Variants in GRID2 observed in about 807,000 individuals in gnomAD.
GRID2 encodes the protein glutamate receptor ionotropic, delta-2.
Under a neutral mutation model 114.8 loss-of-function variants are expected in GRID2, and 33 were observed. That is an observed-to-expected ratio of 0.29 (90% CI 0.22 to 0.38). The LOEUF (loss-of-function observed/expected upper bound fraction) is 0.38, where lower values mean the gene tolerates loss of function less well. Among genes scored for constraint, GRID2 ranks in the 10% least tolerant of loss-of-function variants. The probability of loss-of-function intolerance (pLI) is 1.00; values close to 1 mark genes in which losing one functional copy is unlikely to be tolerated. For missense variants in GRID2, 1,184 were observed against 1,257.7 expected (o/e 0.94, Z 0.89); for synonymous variants, 505 against 449.9 (o/e 1.12, Z -1.55).
At chr4:92,764,096 T>G (rs1211826222) in intron 2 of GRID2, among the ~76,000 whole-genome samples, 2 of 152,198 alleles carry the variant, frequency 1.3e-5, no homozygotes, top group Admixed American at 1.3e-4. Context: ...GATGGTTGTC[T>G]GTGCTCTAGC....
At chr4:93,795,652 A>G (rs968565938) in intron 1 of GRID2, among the ~76,000 whole-genome samples, 4 of 152,200 alleles carry the variant, frequency 2.6e-5, no homozygotes, top group African/African-American at 9.7e-5. Flanking sequence ...ACTCTTGTAA[A>G]CAGGTGAGCA....
chr4:93,051,943 TATATC>T (rs1341809211), intron 2 of GRID2, among the ~76,000 whole-genome samples: 1 of 151,982 alleles, frequency 6.6e-6, no homozygotes, highest in African/African-American at 2.4e-5. Context: ...ACTTTATTGT[TATATC>T]AGTCACTTTC....
At chr4:92,998,725 A>G (rs1755356853) in intron 2 of GRID2, among the ~76,000 whole-genome samples, 1 of 151,836 alleles carries the variant, frequency 6.6e-6, no homozygotes, top group Non-Finnish European at 1.5e-5. Context: ...TAGAATCATT[A>G]AGAATTAATG....
chr4:92,363,827 T>TC, intron 1 of GRID2, among the ~76,000 whole-genome samples: 1 of 150,806 alleles, frequency 6.6e-6, no homozygotes, highest in African/African-American at 2.4e-5. Flanking sequence ...TACTTTTTTT[T>TC]TTTTTTTTTT....
rs77180530 is a variant in GRID2 at position 93,111,479 on chromosome 4, T to C, written c.735+526T>C. Among the ~76,000 whole-genome samples, 344 of 152,308 alleles carry C rather than the reference T, an allele frequency of 2.3e-3. 1 individual carries two copies. The highest frequency in any genetic ancestry group is 7.8e-3 in the African/African-American group (326 of 41,584). Reference sequence around the variant, plus strand: ...ATGACTAGTGTACATTTTATGATGCTGCATCCTCAAATTTTTAATTGTATC... The same window carrying C: ...ATGACTAGTGTACATTTTATGATGCCGCATCCTCAAATTTTTAATTGTATC... On this transcript the variant is annotated intron_variant, in intron 4 of 15. Transcript: ENST00000282020.
intron 9 of GRID2, among the ~76,000 whole-genome samples, chr4:93,414,710 C>CT (rs767776817): frequency 5.6e-4 from 67 of 119,968 alleles, no homozygotes; most frequent in Admixed American, 1.1e-3. Context: ...TATATATTTC[C>CT]TTTTTTGTTT....
intron 1 of GRID2, among the ~76,000 whole-genome samples, chr4:92,398,905 A>G (rs892937864): frequency 2.6e-5 from 4 of 152,226 alleles, no homozygotes; most frequent in African/African-American, 7.2e-5. Context: ...GTTAAACGTG[A>G]TAACTACATG....
intron 2 of GRID2, among the ~76,000 whole-genome samples, chr4:92,662,075 C>T (rs150267547): frequency 1.3e-5 from 2 of 151,004 alleles, no homozygotes; most frequent in Admixed American, 6.6e-5. Context: ...TATTCTGCCA[C>T]GTAAATCTCA....
intron 4 of GRID2, among the ~76,000 whole-genome samples, chr4:93,175,506 G>A (rs1739272626): frequency 6.6e-6 from 1 of 151,860 alleles, no homozygotes; most frequent in Non-Finnish European, 1.5e-5. Flanking sequence ...TTTCATGTGG[G>A]CCTTACTAGA....
intron 1 of GRID2, among the ~76,000 whole-genome samples, chr4:92,556,534 A>T (rs1394180410): frequency 6.6e-6 from 1 of 152,124 alleles, no homozygotes; most frequent in African/African-American, 2.4e-5. Context: ...TTAATGGCTC[A>T]CAGCATCAAA....
intron 1 of GRID2, among the ~76,000 whole-genome samples, chr4:92,358,097 A>G (rs1204224713): frequency 6.6e-6 from 1 of 151,942 alleles, no homozygotes; most frequent in Non-Finnish European, 1.5e-5. Context: ...AAAAGAAGAA[A>G]ATAACAGAAG....
intron 2 of GRID2, among the ~76,000 whole-genome samples, chr4:92,667,431 C>A (rs1425824372): frequency 6.6e-6 from 1 of 151,248 alleles, no homozygotes; most frequent in African/African-American, 2.4e-5. Flanking sequence ...CGGTTTAATC[C>A]CTCCTCTGAA....
intron 2 of GRID2, among the ~76,000 whole-genome samples, chr4:93,010,907 A>C (rs569471022): frequency 2.8e-4 from 43 of 152,176 alleles, no homozygotes; most frequent in African/African-American, 1.0e-3. Context: ...TATGCCATTT[A>C]TAAAATACTC....
intron 10 of GRID2, among the ~76,000 whole-genome samples, chr4:93,426,854 A>G (rs921253121): frequency 6.6e-6 from 1 of 152,056 alleles, no homozygotes; most frequent in East Asian, 1.9e-4. Context: ...ATATAAAATT[A>G]TTCATTGGAA....
chr4:93,013,295 T>A (rs967075230), intron 2 of GRID2, among the ~76,000 whole-genome samples: 1 of 151,962 alleles, frequency 6.6e-6, no homozygotes, highest in African/African-American at 2.4e-5. Context: ...CTTTTGTTGG[T>A]TGAGTTTTTT....
chr4:92,920,773 C>A (rs1749251225), intron 2 of GRID2, among the ~76,000 whole-genome samples: 1 of 152,120 alleles, frequency 6.6e-6, no homozygotes, highest in South Asian at 2.1e-4. Flanking sequence ...CTCTGGCTAC[C>A]CTTAACATTT....
intron 11 of GRID2, among the ~76,000 whole-genome samples, chr4:93,486,950 C>T (rs72668783): frequency 0.053 from 8,054 of 151,748 alleles, 368 homozygotes; most frequent in African/African-American, 0.13. Context: ...GTTAGTAAGA[C>T]CACTGGCCTT....
At chr4:92,698,273 A>ATATTTC (rs1734514225) in intron 2 of GRID2, among the ~76,000 whole-genome samples, 1 of 152,112 alleles carries the variant, frequency 6.6e-6, no homozygotes, top group Non-Finnish European at 1.5e-5. Flanking sequence ...ACATATTATC[A>ATATTTC]TTTTCACAGA....
At chr4:92,421,396 G>A (rs1212113889) in intron 1 of GRID2, among the ~76,000 whole-genome samples, 1 of 152,080 alleles carries the variant, frequency 6.6e-6, no homozygotes, top group African/African-American at 2.4e-5. Flanking sequence ...AAAGGAGAAA[G>A]TTTGAGAAAA....
Sources: allele counts gnomAD v4.1 joint callset (sites outside exome capture counted in the v4.1 genomes callset), GRCh38; gene constraint gnomAD v4.1.1; transcripts MANE v1.5; gene names NCBI Gene and HGNC (gene_info 2026-07-23, HGNC 2026-07-21).